HERC4: variants seen among roughly 807,000 people sequenced by gnomAD.
HERC4 encodes the protein HECT and RLD domain containing E3 ubiquitin protein ligase 4, also known as probable E3 ubiquitin-protein ligase HERC4.
HERC4 carries 28 observed loss-of-function variants against 124.3 expected under a neutral mutation model. That is an observed-to-expected ratio of 0.23 (90% CI 0.17 to 0.31). The LOEUF is 0.31. HERC4 is among the 10% of genes least tolerant of loss of function. The pLI, the probability that HERC4 is intolerant of heterozygous loss-of-function variation, is 1.00. For missense variants in HERC4, 713 were observed against 1,229.3 expected (o/e 0.58, Z 6.28); for synonymous variants, 407 against 421.5 (o/e 0.97, Z 0.42).
intron 9 of HERC4, chr10:68,010,546 G>T: frequency 1.0e-6 from 1 of 1,000,716 alleles, no homozygotes; most frequent in Non-Finnish European, 1.5e-6. Context: ...AGGCGCTGCA[G>T]GAACACATTC....
intron 8 of HERC4, 34 bp from the exon 9 acceptor site, chr10:68,014,220 T>C: frequency 6.7e-7 from 1 of 1,494,750 alleles, no homozygotes; most frequent in Non-Finnish European, 9.0e-7. Flanking sequence ...TCAGACTTAA[T>C]GTTACCTTCC....
rs2030410389 is a variant in HERC4 at position 67,923,154 on chromosome 10, ATCAT to A, written c.2942-19_2942-16del. On this transcript the variant is annotated splice_polypyrimidine_tract_variant and intron_variant, in intron 24 of 24. Coordinates refer to ENST00000373700, the MANE Select transcript of HERC4 (RefSeq NM_015601.4). ...TGTCAAAAATACTGCCAAGAAAGAA[ATCAT>A]TCAGTCAACCACTTCAAAACAAAAA... 6.2e-7 allele frequency: 1 copy of A among 1,601,594 alleles called. No individual in the cohort carries two copies. Among genetic ancestry groups the A allele is most frequent in the Non-Finnish European group, 8.5e-7 (1 of 1,170,130 alleles).
At chr10:67,944,023 T>G (rs1355189333) in intron 19 of HERC4, among the ~76,000 whole-genome samples, 2 of 152,074 alleles carry the variant, frequency 1.3e-5, no homozygotes, top group South Asian at 4.1e-4. Context: ...TGAGGGGAAC[T>G]CTCTGCACTG....
At chr10:67,927,426 A>T (rs56121517) in intron 23 of HERC4, among the ~76,000 whole-genome samples, 2,313 of 8,520 alleles carry the variant, frequency 0.27, 257 homozygotes, top group East Asian at 0.46. Context: ...ATATATATAT[A>T]TATATTTTTT....
intron 14 of HERC4, among the ~76,000 whole-genome samples, chr10:67,989,500 C>A (rs183576069): frequency 3.3e-5 from 5 of 152,098 alleles, no homozygotes; most frequent in Admixed American, 2.6e-4. Flanking sequence ...CCATATTCTA[C>A]CCCTTGCTTG....
intron 9 of HERC4, among the ~76,000 whole-genome samples, chr10:68,006,306 C>T (rs1321752442): frequency 2.6e-5 from 4 of 151,652 alleles, no homozygotes; most frequent in African/African-American, 7.3e-5. Flanking sequence ...ATGAAAAACT[C>T]CCTTTAGCAT....
At chr10:67,946,335 T>C (rs2033330303) in intron 19 of HERC4, among the ~76,000 whole-genome samples, 2 of 131,168 alleles carry the variant, frequency 1.5e-5, no homozygotes, top group Non-Finnish European at 1.6e-5. Flanking sequence ...ACTAGGTAAA[T>C]GGATAAAACA....
intron 8 of HERC4, among the ~76,000 whole-genome samples, chr10:68,021,107 C>T (rs566698223): frequency 1.1e-4 from 16 of 152,220 alleles, no homozygotes; most frequent in Non-Finnish European, 1.3e-4. Flanking sequence ...ATGAATTCTA[C>T]GCAGGATAAA....
intron 15 of HERC4, among the ~76,000 whole-genome samples, chr10:67,983,468 C>A (rs1225876272): frequency 6.6e-6 from 1 of 152,078 alleles, no homozygotes; most frequent in Non-Finnish European, 1.5e-5. Context: ...TGGAAGCAAT[C>A]TAAGTGTCCA....
intron 21 of HERC4, among the ~76,000 whole-genome samples, chr10:67,938,453 A>G (rs1209903461): frequency 6.6e-6 from 1 of 151,876 alleles, no homozygotes; most frequent in Non-Finnish European, 1.5e-5. Context: ...AAAAGAAAAA[A>G]AAAAAGAAAA....
intron 15 of HERC4, among the ~76,000 whole-genome samples, chr10:67,971,525 G>GA (rs1187354770): frequency 6.6e-6 from 1 of 151,780 alleles, no homozygotes; most frequent in Non-Finnish European, 1.5e-5. Context: ...AAAAAAAGGA[G>GA]AAAAAAATCA....
chr10:68,070,349 G>A, intron 3 of HERC4: 2 of 908,004 alleles, frequency 2.2e-6, no homozygotes, highest in Non-Finnish European at 2.6e-6. Flanking sequence ...GCTCATGCCT[G>A]TAATTCCAGC....
Position 67,932,780 on chromosome 10 carries a change from C to A in HERC4, c.2655G>T (p.Arg885=), listed in dbSNP as rs1426214915. The change falls in exon 23 of 25, where the codon CGG becomes CGT. Residue 885 remains arginine (R), a splice_region_variant and synonymous_variant. Coordinates refer to ENST00000373700, the MANE Select transcript of HERC4 (RefSeq NM_015601.4). The stretch of plus-strand genomic sequence containing the variant: ...CCACATAAGCATCGACAAACTCTTG[C>A]CTAGAAATGAAAAAGCACACATGTA... ...GADTAVNKQN[R]QEFVDAYVDY... 1 of 1,586,662 alleles carries A rather than the reference C, an allele frequency of 6.3e-7. No homozygotes were observed. The highest frequency in any genetic ancestry group is 8.5e-7 in the Non-Finnish European group (1 of 1,173,466).
intron 9 of HERC4, among the ~76,000 whole-genome samples, chr10:68,012,567 A>G (rs559158736): frequency 6.6e-6 from 1 of 152,292 alleles, no homozygotes; most frequent in South Asian, 2.1e-4. Context: ...ACATTTATCA[A>G]TTAGGTTTGT....
chr10:67,990,059 A>G, intron 14 of HERC4, 152 bp downstream of exon 14: 1 of 574,058 alleles, frequency 1.7e-6, no homozygotes, highest in Non-Finnish European at 3.0e-6. Context: ...TCAAAAGACT[A>G]GACAAAAGCA....
intron 16 of HERC4, chr10:67,961,403 A>C (rs569053769): frequency 6.6e-6 from 1 of 152,504 alleles, no homozygotes; most frequent in South Asian, 2.1e-4. Context: ...TTTTTTAGAA[A>C]GTAGATTAAC....
At position 67,953,731 on chromosome 10, in the gene HERC4, T is replaced by A. The variant is rs544433692; in HGVS notation, c.2337+864A>T. 7.2e-4 allele frequency among the ~76,000 whole-genome samples: 110 copies of A among 152,300 alleles called. No individual in the cohort carries two copies. The Middle Eastern group carries it at 0.02, about 28-fold the overall frequency. On this transcript the variant is annotated intron_variant, in intron 19 of 24. Coordinates refer to ENST00000373700, the MANE Select transcript of HERC4 (RefSeq NM_015601.4). ...CCAATTCATTCTTTTGAAAAATTGG[T>A]AACTAAATAGAATCCTTTCCTATGA...
At chr10:67,974,073 T>TATACACACAC (rs1382393611) in intron 15 of HERC4, among the ~76,000 whole-genome samples, 2 of 96,052 alleles carry the variant, frequency 2.1e-5, no homozygotes, top group African/African-American at 8.2e-5. Flanking sequence ...AAAATTACTG[T>TATACACACAC]ACACACACAC....
intron 23 of HERC4, among the ~76,000 whole-genome samples, chr10:67,926,597 C>T (rs2031005176): frequency 6.6e-6 from 1 of 152,112 alleles, no homozygotes; most frequent in Admixed American, 6.6e-5. Flanking sequence ...CAGACACATC[C>T]TTTCTTCTTT....
Sources: allele counts gnomAD v4.1 joint callset (sites outside exome capture counted in the v4.1 genomes callset), GRCh38; gene constraint gnomAD v4.1.1; transcripts MANE v1.5; gene names NCBI Gene and HGNC (gene_info 2026-07-23, HGNC 2026-07-21).